The following CNTNAP2 variants were observed in gnomAD, a reference collection of about 807,000 sequenced individuals.
CNTNAP2 encodes the protein contactin associated protein 2.
In CNTNAP2, 98 loss-of-function variants were observed where a neutral mutation model predicts 155.2. The ratio of observed to expected loss-of-function variants is 0.63; its 90% CI spans 0.54 to 0.75. The LOEUF (loss-of-function observed/expected upper bound fraction) is 0.75. CNTNAP2 is among the 30% of genes least tolerant of loss of function. The probability of loss-of-function intolerance (pLI) is 0.00; values close to 1 mark genes in which losing one functional copy is unlikely to be tolerated. For synonymous variants in CNTNAP2, 651 were observed against 631.2 expected (o/e 1.03, Z -0.47); for missense variants, 1,727 against 1,688.1 (o/e 1.02, Z -0.40).
At chr7:147,399,798 T>C (rs1270821552) in intron 10 of CNTNAP2, among the ~76,000 whole-genome samples, 2 of 152,138 alleles carry the variant, frequency 1.3e-5, no homozygotes, top group Admixed American at 6.5e-5. Flanking sequence ...TTGGTGTCTT[T>C]AGTTACATTT....
intron 2 of CNTNAP2, among the ~76,000 whole-genome samples, chr7:146,790,617 T>A (rs1255209082): frequency 6.6e-6 from 1 of 151,102 alleles, no homozygotes; most frequent in Non-Finnish European, 1.5e-5. Context: ...TCGCCCAGGC[T>A]GGAGTGCAGT....
intron 2 of CNTNAP2, among the ~76,000 whole-genome samples, chr7:146,811,707 T>C (rs1803069680): frequency 6.6e-6 from 1 of 152,178 alleles, no homozygotes; most frequent in African/African-American, 2.4e-5. Flanking sequence ...CCAAATCCTA[T>C]CTTAAATTGT....
chr7:148,026,971 G>T (rs1183570173), intron 15 of CNTNAP2, among the ~76,000 whole-genome samples: 3 of 150,748 alleles, frequency 2.0e-5, no homozygotes, highest in Non-Finnish European at 4.4e-5. Context: ...TGTTGTTGTT[G>T]TTTTTTTCTG....
intron 3 of CNTNAP2, among the ~76,000 whole-genome samples, chr7:147,000,700 G>C (rs1275822218): frequency 1.3e-5 from 2 of 152,110 alleles, no homozygotes; most frequent in Non-Finnish European, 2.9e-5. Flanking sequence ...CCACAATGCA[G>C]GGCTAAAAGT....
intron 11 of CNTNAP2, among the ~76,000 whole-genome samples, chr7:147,516,615 AGAATGTG>A (rs1562975916): frequency 5.5e-5 from 5 of 91,606 alleles, no homozygotes; most frequent in East Asian, 2.9e-4. Flanking sequence ...AGAGAGAGAG[AGAATGTG>A]TGTGTGTGTG....
intron 1 of CNTNAP2, among the ~76,000 whole-genome samples, chr7:146,614,741 T>C (rs1240217751): frequency 4.6e-5 from 7 of 152,196 alleles, no homozygotes; most frequent in African/African-American, 1.7e-4. Context: ...CTAGGCTCAG[T>C]TGCAATGTAC....
chr7:147,269,112 C>T (rs555185674), intron 8 of CNTNAP2, among the ~76,000 whole-genome samples: 23 of 152,264 alleles, frequency 1.5e-4, no homozygotes, highest in Middle Eastern at 6.8e-3. Context: ...ACTCCTAGAA[C>T]TCACGGGTCC....
chr7:147,857,792 C>T (rs1208937079), intron 13 of CNTNAP2, among the ~76,000 whole-genome samples: 1 of 152,176 alleles, frequency 6.6e-6, no homozygotes, highest in Admixed American at 6.5e-5. Flanking sequence ...TAGAAAAATT[C>T]GTAAATCTCT....
At chr7:147,839,276 C>G (rs1798685353) in intron 13 of CNTNAP2, among the ~76,000 whole-genome samples, 1 of 152,054 alleles carries the variant, frequency 6.6e-6, no homozygotes, top group African/African-American at 2.4e-5. Context: ...ACAGACATAC[C>G]CAGGAACAAC....
intron 16 of CNTNAP2, among the ~76,000 whole-genome samples, chr7:148,133,051 G>GA (rs1446884226): frequency 6.6e-6 from 1 of 151,894 alleles, no homozygotes; most frequent in African/African-American, 2.4e-5. Flanking sequence ...ACGAATAAAT[G>GA]AAAAAAATGT....
chr7:147,987,388 T>A (rs1036071800), intron 15 of CNTNAP2, among the ~76,000 whole-genome samples: 13 of 152,330 alleles, frequency 8.5e-5, no homozygotes, highest in African/African-American at 3.1e-4. Context: ...GTTTTACAAT[T>A]GACATGATAT....
At chr7:148,348,909 A>T (rs1798370433) in intron 21 of CNTNAP2, among the ~76,000 whole-genome samples, 1 of 152,228 alleles carries the variant, frequency 6.6e-6, no homozygotes, top group South Asian at 2.1e-4. Context: ...ACATAAAATG[A>T]TTGATAAAAT....
intron 15 of CNTNAP2, among the ~76,000 whole-genome samples, chr7:148,072,218 A>C (rs1428007991): frequency 6.6e-6 from 1 of 152,204 alleles, no homozygotes; most frequent in Non-Finnish European, 1.5e-5. Context: ...CTCTTCTAAG[A>C]GTTAAGCTAA....
chr7:146,318,170 T>C (rs1800941874), intron 1 of CNTNAP2, among the ~76,000 whole-genome samples: 1 of 152,096 alleles, frequency 6.6e-6, no homozygotes, highest in African/African-American at 2.4e-5. Flanking sequence ...AATTAACATT[T>C]TTATCATACT....
At chr7:147,935,630 C>T (rs562493989) in intron 14 of CNTNAP2, among the ~76,000 whole-genome samples, 1 of 152,106 alleles carries the variant, frequency 6.6e-6, no homozygotes, top group South Asian at 2.1e-4. Context: ...AAATTATGTT[C>T]TTATATATTT....
intron 8 of CNTNAP2, among the ~76,000 whole-genome samples, chr7:147,176,576 AAAC>A (rs2116488693): frequency 6.8e-6 from 1 of 148,118 alleles, no homozygotes; most frequent in African/African-American, 2.5e-5. Context: ...TTTGTGAAAT[AAAC>A]AAGATAGATT....
At chr7:146,363,488 A>G (rs1036653415) in intron 1 of CNTNAP2, among the ~76,000 whole-genome samples, 2 of 152,182 alleles carry the variant, frequency 1.3e-5, no homozygotes, top group Non-Finnish European at 2.9e-5. Context: ...TGACTCTAAC[A>G]GTAGAGACTG....
intron 1 of CNTNAP2, among the ~76,000 whole-genome samples, chr7:146,265,660 A>G (rs1799983989): frequency 6.6e-6 from 1 of 152,018 alleles, no homozygotes; most frequent in Admixed American, 6.6e-5. Context: ...GGGTTTTGCC[A>G]TGTTGGCCAG....
At chr7:146,386,276 G>A (rs1795460740) in intron 1 of CNTNAP2, among the ~76,000 whole-genome samples, 2 of 152,068 alleles carry the variant, frequency 1.3e-5, no homozygotes, top group Non-Finnish European at 2.9e-5. Context: ...TCAAAAGTTT[G>A]AATTAAAGCA....
Sources: allele counts gnomAD v4.1 joint callset (sites outside exome capture counted in the v4.1 genomes callset), GRCh38; gene constraint gnomAD v4.1.1; transcripts MANE v1.5; gene names NCBI Gene and HGNC (gene_info 2026-07-23, HGNC 2026-07-21).